The following DYRK4 variants were observed in gnomAD, a reference collection of about 807,000 sequenced individuals.
The protein encoded by DYRK4 is dual specificity tyrosine-phosphorylation-regulated kinase 4.
Under a neutral mutation model 68.3 loss-of-function variants are expected in DYRK4, and 64 were observed. The observed-to-expected ratio is 0.94, with a 90% CI of 0.77 to 1.15. The LOEUF (loss-of-function observed/expected upper bound fraction) is 1.15, where lower values mean the gene tolerates loss of function less well. DYRK4 is among the 50% of genes most tolerant of loss of function. The probability of loss-of-function intolerance (pLI) is 0.00; values close to 1 mark genes in which losing one functional copy is unlikely to be tolerated. For missense variants in DYRK4, 740 were observed against 764.7 expected (o/e 0.97, Z 0.38); for synonymous variants, 274 against 289.9 (o/e 0.95, Z 0.56).
chr12:4,580,623 A>C (rs1944831932), intron 2 of DYRK4, among the ~76,000 whole-genome samples: 1 of 152,110 alleles, frequency 6.6e-6, no homozygotes, highest in Non-Finnish European at 1.5e-5. Context: ...AAATCCCCAA[A>C]GAGTTTGTTT....
At chr12:4,569,272 A>G (rs975363925) in intron 2 of DYRK4, among the ~76,000 whole-genome samples, 13 of 152,252 alleles carry the variant, frequency 8.5e-5, no homozygotes, top group African/African-American at 2.9e-4. Context: ...TTGATAAAAT[A>G]AAAATTACTG....
At chr12:4,584,199 C>T (rs1944871221) in intron 2 of DYRK4, among the ~76,000 whole-genome samples, 1 of 152,160 alleles carries the variant, frequency 6.6e-6, no homozygotes, top group Non-Finnish European at 1.5e-5. Context: ...CTTGGGGAAG[C>T]TTAAAATACA....
At chr12:4,611,483 T>A (rs918095973) in intron 13 of DYRK4, among the ~76,000 whole-genome samples, 1 of 152,074 alleles carries the variant, frequency 6.6e-6, no homozygotes, top group Non-Finnish European at 1.5e-5. Context: ...TGTTATCTTA[T>A]ATATATATAT....
chr12:4,602,358 T>C (rs1436495982), intron 10 of DYRK4: 11 of 896,902 alleles, frequency 1.2e-5, no homozygotes, highest in Admixed American at 1.8e-5. Context: ...TCAGCTTTTC[T>C]CTCTTTTGTT....
At chr12:4,578,280 A>G (rs1290056703) in intron 2 of DYRK4, among the ~76,000 whole-genome samples, 3 of 148,138 alleles carry the variant, frequency 2.0e-5, no homozygotes, top group Non-Finnish European at 3.0e-5. Context: ...CTCTACGTCT[A>G]TAATCTCTGA....
chr12:4,570,082 T>C (rs1199741430), intron 2 of DYRK4, among the ~76,000 whole-genome samples: 1 of 140,272 alleles, frequency 7.1e-6, no homozygotes, highest in African/African-American at 2.6e-5. Context: ...ATAATAATGA[T>C]AATAACAAAT....
rs766359002 is a variant in DYRK4, at chr12:4,605,038, C to G, written c.1251C>G (p.Pro417=). 1.1e-5 allele frequency: 17 copies of G among 1,614,000 alleles called. No individual in the cohort carries two copies. In the African/African-American group the frequency reaches 1.1e-4, roughly 10 times the overall value. Residue 417 remains proline (P), a synonymous_variant, in exon 11 of 15, where the codon CCC becomes CCG. Coordinates refer to ENST00000543431, the MANE Select transcript of DYRK4 (RefSeq NM_001394779.1). ...CGGCGGAGTTGTACACGGGCTACCC[C>G]CTGTTCCCCGGGGAGAATGAGGTGG... ...CITAELYTGY[P]LFPGENEVEQ... is the part of the protein sequence containing the mutation.
At position 4,591,293 on chromosome 12, in the gene DYRK4, C is replaced by G; in HGVS notation, c.458C>G (p.Ala153Gly). 6.2e-7 allele frequency: 1 copy of G among 1,613,844 alleles called. No individual in the cohort carries two copies. The highest frequency in any genetic ancestry group is 8.5e-7 in the Non-Finnish European group (1 of 1,179,886). The change falls in exon 5 of 15, where the codon GCG (alanine) becomes GGG (glycine). Residue 153 changes from alanine (A) to glycine (G), a missense_variant. Ala to Gly is a moderately conservative substitution (Grantham distance 60). Coordinates refer to ENST00000543431, the MANE Select transcript of DYRK4 (RefSeq NM_001394779.1). This position sits in a 1 kb window ranked among gnomAD's most constrained non-coding sequence, Gnocchi z 4.1. ...SPKKQKVTLTAAEALKLFKNQ... is the reference protein window; with the variant it reads ...SPKKQKVTLTGAEALKLFKNQ... ...AAGAAGCAAAAGGTGACTCTGACAG[C>G]GGCAGGTATGCCTTTGGGGCAGTAG...
At chr12:4,603,056 TC>T in intron 10 of DYRK4, 3 of 1,115,884 alleles carry the variant, frequency 2.7e-6, no homozygotes, top group Non-Finnish European at 4.0e-6. Flanking sequence ...TCACCTTACT[TC>T]CTCATCCTCT....
chr12:4,610,991 C>T (rs774271774), intron 13 of DYRK4, among the ~76,000 whole-genome samples: 1 of 152,198 alleles, frequency 6.6e-6, no homozygotes, highest in Non-Finnish European at 1.5e-5. Flanking sequence ...CCATGTGATA[C>T]TTGGCAAGTC....
intron 2 of DYRK4, chr12:4,573,445 G>C: frequency 8.0e-7 from 1 of 1,255,480 alleles, no homozygotes; most frequent in Non-Finnish European, 1.0e-6. Flanking sequence ...ATTACCTTTG[G>C]TTTCTGTCAA....
intron 2 of DYRK4, among the ~76,000 whole-genome samples, chr12:4,577,311 C>G (rs1346535367): frequency 1.3e-5 from 2 of 152,174 alleles, no homozygotes; most frequent in Non-Finnish European, 2.9e-5. Context: ...TCAAGTGATC[C>G]TCTGGCCTCA....
At chr12:4,564,677 A>G (rs1210775902) in intron 1 of DYRK4, among the ~76,000 whole-genome samples, 3 of 152,164 alleles carry the variant, frequency 2.0e-5, no homozygotes, top group Non-Finnish European at 4.4e-5. Flanking sequence ...TTATCTTTGA[A>G]TCCTCCATGC....
At chr12:4,602,217 C>T (rs1317391771) in intron 10 of DYRK4, 5 of 983,988 alleles carry the variant, frequency 5.1e-6, no homozygotes, top group Non-Finnish European at 8.1e-6. Flanking sequence ...CTTCAATCTG[C>T]TTTGCTTGCT....
At chr12:4,590,689 G>A in intron 4 of DYRK4, 1 of 692,644 alleles carries the variant, frequency 1.4e-6, no homozygotes, top group Non-Finnish European at 2.1e-6. Context: ...ATGAAGTGCT[G>A]GTACATAAAA....
At chr12:4,596,485 A>C (rs1945019314) in intron 7 of DYRK4, 104 bp from the exon 8 acceptor site, 1 of 1,514,526 alleles carries the variant, frequency 6.6e-7, no homozygotes, top group African/African-American at 1.4e-5. Context: ...GCCACTAGAC[A>C]GTCTTGTTGG....
intron 2 of DYRK4, among the ~76,000 whole-genome samples, chr12:4,587,112 C>T (rs1425972196): frequency 2.6e-5 from 4 of 152,174 alleles, no homozygotes; most frequent in Non-Finnish European, 5.9e-5. Context: ...TAACTGCCAG[C>T]TATACAAATT....
At chr12:4,606,093 C>T (rs1048861758) in intron 11 of DYRK4, among the ~76,000 whole-genome samples, 1 of 152,144 alleles carries the variant, frequency 6.6e-6, no homozygotes, top group African/African-American at 2.4e-5. Flanking sequence ...AAAACTATCT[C>T]CTAATAGCAA....
intron 2 of DYRK4, among the ~76,000 whole-genome samples, chr12:4,584,651 G>T (rs1653681681): frequency 6.7e-6 from 1 of 149,182 alleles, no homozygotes; most frequent in South Asian, 2.1e-4. Context: ...TGCCTCCTGG[G>T]TTCATGCCAT....
Sources: gnomAD v4.1 joint callset for allele counts (sites outside exome capture counted in the v4.1 genomes callset) on GRCh38, gnomAD v4.1.1 for gene constraint, Gnocchi (gnomAD v3.1) non-coding constraint, MANE v1.5 for transcripts, NCBI Gene and HGNC (gene_info 2026-07-23, HGNC 2026-07-21) for gene names.